The following PDE1A variants were observed in gnomAD, a reference collection of about 807,000 sequenced individuals.
PDE1A encodes the protein dual specificity calcium/calmodulin-dependent 3',5'-cyclic nucleotide phosphodiesterase 1A.
A neutral mutation model predicts 61.7 loss-of-function variants in PDE1A; 35 were observed. The ratio of observed to expected loss-of-function variants is 0.57; its 90% CI spans 0.43 to 0.75. The LOEUF (loss-of-function observed/expected upper bound fraction) is 0.75. Ranked by LOEUF, PDE1A falls within the 30% of genes least tolerant of loss-of-function variation. PDE1A has a pLI of 0.00. For synonymous variants in PDE1A, 232 were observed against 213.2 expected, an observed-to-expected ratio of 1.09 and a Z score of -0.77; for missense variants, 597 against 630.6, an observed-to-expected ratio of 0.95 and a Z score of 0.57.
At chr2:182,630,694 C>A in the PDE1A span, among the ~76,000 whole-genome samples, 1 of 151,996 alleles carries the variant, frequency 6.6e-6, no homozygotes, top group South Asian at 2.1e-4. Context: ...TGTTATTAAT[C>A]TTTTAATCCA....
chr2:182,655,602 A>G, the PDE1A span, among the ~76,000 whole-genome samples: 70 of 152,304 alleles, frequency 4.6e-4, no homozygotes, highest in Non-Finnish European at 9.1e-4. Flanking sequence ...TCTAGCCTCT[A>G]GACAATGAGA....
intron 1 of PDE1A, among the ~76,000 whole-genome samples, chr2:182,413,375 G>C (rs1702731366): frequency 6.6e-6 from 1 of 152,096 alleles, no homozygotes. Context: ...ATTTTAAATG[G>C]GAGGCTAGAG....
chr2:182,473,590 G>A lies in PDE1A; in HGVS notation c.101+48686C>T, dbSNP rs997048485. The stretch of plus-strand genomic sequence containing the variant: ...GTTGTGTACATCATTTCATCACCCA[G>A]GTATTAAGCCTAGTATCATTAGTTA... On this transcript the variant is annotated intron_variant, in intron 2 of 14. Transcript: ENST00000410103. 7.3e-5 allele frequency among the ~76,000 whole-genome samples: 11 copies of A among 151,640 alleles called. 1 individual carries two copies. Among genetic ancestry groups the A allele is most frequent in the Admixed American group, 5.9e-4 (9 of 15,176 alleles).
At chr2:182,531,494 C>A in the PDE1A span, among the ~76,000 whole-genome samples, 4 of 151,394 alleles carry the variant, frequency 2.6e-5, no homozygotes, top group Non-Finnish European at 5.9e-5. Context: ...AAGGGCATAG[C>A]CTAAAGATAA....
chr2:182,583,742 A>G, the PDE1A span, among the ~76,000 whole-genome samples: 1 of 152,186 alleles, frequency 6.6e-6, no homozygotes, highest in Non-Finnish European at 1.5e-5. Context: ...AAAAACAGTC[A>G]CATATTTCTG....
intron 2 of PDE1A, among the ~76,000 whole-genome samples, chr2:182,516,694 G>GAAGAAGGGAGGA (rs1553636643): frequency 2.2e-4 from 11 of 51,030 alleles, no homozygotes; most frequent in African/African-American, 7.5e-4. Context: ...GGAGGGAAGG[G>GAAGAAGGGAGGA]AGGAAGGGAG....
At chr2:182,513,191 A>G (rs1163362556) in intron 2 of PDE1A, among the ~76,000 whole-genome samples, 1 of 152,180 alleles carries the variant, frequency 6.6e-6, no homozygotes, top group East Asian at 1.9e-4. Flanking sequence ...TATTAAAGGC[A>G]GCTAGAGAGA....
At chr2:182,588,687 C>A in the PDE1A span, among the ~76,000 whole-genome samples, 1 of 151,890 alleles carries the variant, frequency 6.6e-6, no homozygotes, top group Non-Finnish European at 1.5e-5. Context: ...ATTCTTTTTT[C>A]CTCACAGTAT....
rs1696754141 is a variant in PDE1A, at chr2:182,322,441, G to C, written c.54-58027C>G. Among the ~76,000 whole-genome samples the C allele has an allele frequency of 2.6e-5, 4 of 152,148 alleles. No individual in the cohort carries two copies. The South Asian group carries it at 8.3e-4, about 31-fold the overall frequency. On this transcript the variant is annotated intron_variant, in intron 1 of 13. Transcript: ENST00000351439. ...TGAATATGTCTCAAGAGATCTGATG[G>C]TTTTATAAAGGGCAGTTCCCCTGCA...
chr2:182,516,973 T>G (rs1690242038), intron 2 of PDE1A, among the ~76,000 whole-genome samples: 1 of 152,066 alleles, frequency 6.6e-6, no homozygotes, highest in African/African-American at 2.4e-5. Flanking sequence ...CTCCTTTAAT[T>G]CTCCCTTTCA....
At chr2:182,384,159 G>T (rs752298059) in intron 1 of PDE1A, among the ~76,000 whole-genome samples, 1 of 152,162 alleles carries the variant, frequency 6.6e-6, no homozygotes, top group Non-Finnish European at 1.5e-5. Flanking sequence ...TGCCATGCCT[G>T]CCACAGGGCT....
At chr2:182,445,604 T>C (rs1251922736) in intron 2 of PDE1A, among the ~76,000 whole-genome samples, 1 of 152,004 alleles carries the variant, frequency 6.6e-6, no homozygotes, top group Non-Finnish European at 1.5e-5. Flanking sequence ...AAGAGGAAAA[T>C]ACATAACACA....
chr2:182,184,007 GAAGAAAGAAAGAAAGAAAGAAAGAAAGA>G (rs36010429), intron 13 of PDE1A, among the ~76,000 whole-genome samples: 20 of 134,714 alleles, frequency 1.5e-4, no homozygotes, highest in Non-Finnish European at 2.3e-4. Context: ...GAAAGGAAGA[GAAGAAAGAAAGAAAGAAAGAAAGAAAGA>G]AAGAAAGAAA....
the PDE1A span, among the ~76,000 whole-genome samples, chr2:182,592,428 G>A: frequency 1.3e-5 from 2 of 152,192 alleles, no homozygotes; most frequent in African/African-American, 4.8e-5. Flanking sequence ...GATTTAAATG[G>A]TGCTAGATTC....
At chr2:182,234,305 A>T in intron 4 of PDE1A, 127 bp downstream of exon 4, 1 of 633,944 alleles carries the variant, frequency 1.6e-6, no homozygotes, top group Non-Finnish European at 2.8e-6. Flanking sequence ...TTGTTAGGAT[A>T]TGTTGAATTT....
chr2:182,198,047 T>G (rs1050261527), intron 10 of PDE1A, among the ~76,000 whole-genome samples: 6 of 151,936 alleles, frequency 3.9e-5, no homozygotes, highest in Admixed American at 3.9e-4. Context: ...TATCTCTCCA[T>G]TTATATAGGT....
intron 1 of PDE1A, among the ~76,000 whole-genome samples, chr2:182,336,455 C>A (rs1426932395): frequency 6.6e-6 from 1 of 152,136 alleles, no homozygotes; most frequent in Non-Finnish European, 1.5e-5. Context: ...AGGATGAGTT[C>A]ATGTCCTTTG....
intron 1 of PDE1A, among the ~76,000 whole-genome samples, chr2:182,340,063 G>T (rs1403067375): frequency 6.6e-6 from 1 of 152,102 alleles, no homozygotes; most frequent in East Asian, 1.9e-4. Context: ...TTTCATTAAA[G>T]AACAATTTAT....
the PDE1A span, among the ~76,000 whole-genome samples, chr2:182,553,675 T>C: frequency 5.3e-5 from 8 of 152,350 alleles, no homozygotes; most frequent in African/African-American, 1.9e-4. Context: ...AAAGAATGAT[T>C]AACTTGCCTG....
Sources: allele counts gnomAD v4.1 joint callset (sites outside exome capture counted in the v4.1 genomes callset), GRCh38; gene constraint gnomAD v4.1.1; transcripts MANE v1.5; gene names NCBI Gene and HGNC (gene_info 2026-07-23, HGNC 2026-07-21).